AHI1: variants seen among roughly 807,000 people sequenced by gnomAD.
AHI1 encodes the protein jouberin.
A neutral mutation model predicts 149.3 loss-of-function variants in AHI1; 123 were observed. The ratio of observed to expected loss-of-function variants is 0.82; its 90% CI spans 0.71 to 0.96. The LOEUF (loss-of-function observed/expected upper bound fraction) is 0.96. AHI1 is among the 40% of genes least tolerant of loss of function. The pLI is 0.00. For synonymous variants in AHI1, 475 were observed against 459.8 expected, an observed-to-expected ratio of 1.03 and a Z score of -0.42; for missense variants, 1,439 against 1,422.7, an observed-to-expected ratio of 1.01 and a Z score of -0.18.
At chr6:135,371,578 T>A in intron 23 of AHI1, among the ~76,000 whole-genome samples, 1 of 152,224 alleles carries the variant, frequency 6.6e-6, no homozygotes, top group East Asian at 1.9e-4. Flanking sequence ...ATTCTATTAT[T>A]TAATTTTATA....
At position 135,380,734 on chromosome 6, in the gene AHI1, C is replaced by G. The variant is rs578210534; in HGVS notation, c.3109+14042G>C. Among the ~76,000 whole-genome samples the G allele has an allele frequency of 8.2e-4, 84 of 102,120 alleles. 2 individuals are homozygous for G. Among genetic ancestry groups the G allele is most frequent in the African/African-American group, 2.5e-3 (42 of 16,594 alleles). The allele number at this position is 102,120 out of a possible 152,430, so 67.0% of individuals were successfully genotyped here. On this transcript the variant is annotated intron_variant, in intron 23 of 28. Coordinates refer to ENST00000265602, the MANE Select transcript of AHI1 (RefSeq NM_001134831.2). ...AAACATCTTTTTAAGTAAAATAACC[C>G]CCCCCCCCCCAAAAAAAAAGTACAA...
Position 135,298,409 on chromosome 6 carries a change from A to G in AHI1, c.3485+2091T>C, listed in dbSNP as rs150306690. Among the ~76,000 whole-genome samples, 1,268 of 152,240 alleles carry G rather than the reference A, an allele frequency of 8.3e-3. 12 individuals carry two copies. The highest frequency in any genetic ancestry group is 0.015 in the Non-Finnish European group (1,011 of 67,994). On this transcript the variant is annotated intron_variant, in intron 27 of 28. Transcript: ENST00000265602. ...GGCTGTCTATGTGGCTCATTTACATATATTGGTCAACCAACTAATAAGCAA... is the reference window on the plus strand; with the variant it reads ...GGCTGTCTATGTGGCTCATTTACATGTATTGGTCAACCAACTAATAAGCAA...
chr6:135,453,861 T>A (rs1245557163), intron 10 of AHI1, among the ~76,000 whole-genome samples: 1 of 152,128 alleles, frequency 6.6e-6, no homozygotes, highest in Non-Finnish European at 1.5e-5. Context: ...TCTCTTTGGA[T>A]GTATGTTATA....
chr6:135,413,109 AC>A (rs1781835811), intron 20 of AHI1, among the ~76,000 whole-genome samples: 1 of 152,016 alleles, frequency 6.6e-6, no homozygotes, highest in South Asian at 2.1e-4. Flanking sequence ...TGGGAGGATC[AC>A]TTGAGCCTAG....
chr6:135,401,457 A>C (rs972367971), intron 22 of AHI1, among the ~76,000 whole-genome samples: 3 of 152,206 alleles, frequency 2.0e-5, no homozygotes, highest in Non-Finnish European at 2.9e-5. Context: ...ATACTGTAGA[A>C]GGGCAAAAAC....
chr6:135,290,376 T>G, intron 28 of AHI1, 47 bp downstream of exon 28: 1 of 1,122,514 alleles, frequency 8.9e-7, no homozygotes, highest in Non-Finnish European at 1.4e-6. Context: ...TCCTAAATCT[T>G]TTCCTGTTGA....
At chr6:135,353,479 T>C (rs954282378) in intron 24 of AHI1, among the ~76,000 whole-genome samples, 8 of 152,148 alleles carry the variant, frequency 5.3e-5, no homozygotes, top group East Asian at 1.9e-4. Context: ...AACTCATACA[T>C]GTATCTACAT....
chr6:135,370,796 G>T (rs1050171887), intron 23 of AHI1, among the ~76,000 whole-genome samples: 12 of 152,020 alleles, frequency 7.9e-5, no homozygotes, highest in Non-Finnish European at 1.3e-4. Flanking sequence ...TTATATGGTT[G>T]CTTTTTAAAA....
chr6:135,340,345 T>C (rs529350707), intron 24 of AHI1, among the ~76,000 whole-genome samples: 1 of 151,582 alleles, frequency 6.6e-6, no homozygotes, highest in East Asian at 1.9e-4. Context: ...CACTCCATCC[T>C]GGGCGACAGA....
chr6:135,394,586 G>T, intron 23 of AHI1, 190 bp downstream of exon 23: 2 of 718,516 alleles, frequency 2.8e-6, no homozygotes, highest in South Asian at 1.8e-5. Context: ...TGTATCTACT[G>T]TTACCAATTC....
At chr6:135,395,883 C>G (rs952851445) in intron 22 of AHI1, among the ~76,000 whole-genome samples, 1 of 151,524 alleles carries the variant, frequency 6.6e-6, no homozygotes, top group Non-Finnish European at 1.5e-5. Flanking sequence ...ATAATGAAAA[C>G]CATACAGAGG....
intron 8 of AHI1, 66 bp downstream of exon 8, chr6:135,463,058 TA>T: frequency 7.4e-7 from 1 of 1,360,490 alleles, no homozygotes; most frequent in South Asian, 1.5e-5. Context: ...TTTAAAGGGC[TA>T]AAATTCCTAG....
At chr6:135,402,696 G>A (rs1780189634) in intron 22 of AHI1, among the ~76,000 whole-genome samples, 1 of 152,018 alleles carries the variant, frequency 6.6e-6, no homozygotes, top group African/African-American at 2.4e-5. Context: ...TGAAGACAAA[G>A]GAAGACCTCT....
intron 24 of AHI1, among the ~76,000 whole-genome samples, chr6:135,344,210 T>C (rs979459820): frequency 2.6e-4 from 40 of 152,058 alleles, no homozygotes; most frequent in African/African-American, 9.1e-4. Context: ...TTATTTTTTT[T>C]CAAATGTTTT....
chr6:135,326,616 A>C (rs1212086030), intron 24 of AHI1, among the ~76,000 whole-genome samples: 1 of 151,546 alleles, frequency 6.6e-6, no homozygotes, highest in South Asian at 2.1e-4. Flanking sequence ...GCTGGAGTGC[A>C]GTGGCGCCAT....
intron 23 of AHI1, among the ~76,000 whole-genome samples, chr6:135,365,873 T>A (rs969743328): frequency 1.3e-5 from 2 of 152,244 alleles, no homozygotes; most frequent in African/African-American, 4.8e-5. Flanking sequence ...AAAGTGGGCA[T>A]CCTTGTCTTG....
At chr6:135,330,331 T>C (rs1457291935) in intron 24 of AHI1, among the ~76,000 whole-genome samples, 1 of 152,192 alleles carries the variant, frequency 6.6e-6, no homozygotes, top group Non-Finnish European at 1.5e-5. Context: ...CAACTATCAG[T>C]CTGGTCAGTC....
chr6:135,468,124 C>G (rs1346082406), intron 5 of AHI1, among the ~76,000 whole-genome samples: 1 of 151,860 alleles, frequency 6.6e-6, no homozygotes, highest in African/African-American at 2.4e-5. Flanking sequence ...AAGATTTTAC[C>G]AACTCTAAGA....
In AHI1 at chr6:135,466,009, T is replaced by G; in HGVS notation, c.554A>C (p.Asp185Ala). 6.2e-7 allele frequency: 1 copy of G among 1,614,008 alleles called. No homozygotes were observed. The highest frequency in any genetic ancestry group is 1.3e-5 in the African/African-American group (1 of 75,064). The change falls in exon 7 of 29, where the codon GAT (aspartate) becomes GCT (alanine). Residue 185 changes from aspartate (D) to alanine (A), a missense_variant. Asp to Ala is a moderately radical substitution (Grantham distance 126). Coordinates refer to ENST00000265602, the MANE Select transcript of AHI1 (RefSeq NM_001134831.2). The part of the protein sequence containing the change: ...EGREETDLEE[D>A]EELMQAYQCH... Reference sequence around the variant, plus strand: ...CTGATATGCTTGCATCAATTCTTCATCCTCTTCTAAATCAGTCTCTTCTCT... The same window carrying G: ...CTGATATGCTTGCATCAATTCTTCAGCCTCTTCTAAATCAGTCTCTTCTCT...
Sources: gnomAD v4.1 joint callset for allele counts (sites outside exome capture counted in the v4.1 genomes callset) on GRCh38, gnomAD v4.1.1 for gene constraint, MANE v1.5 for transcripts, NCBI Gene and HGNC (gene_info 2026-07-23, HGNC 2026-07-21) for gene names.